Variants in IQSEC1 observed in about 807,000 individuals in gnomAD.
IQSEC1 encodes IQ motif and SEC7 domain-containing protein 1.
Under a neutral mutation model 91.0 loss-of-function variants are expected in IQSEC1, and 31 were observed. That is an observed-to-expected ratio of 0.34 (90% CI 0.26 to 0.46). The LOEUF (loss-of-function observed/expected upper bound fraction) is 0.46. IQSEC1 is among the 20% of genes least tolerant of loss of function. The probability of loss-of-function intolerance (pLI) is 1.00; values close to 1 mark genes in which losing one functional copy is unlikely to be tolerated. For missense variants in IQSEC1, 1,388 were observed against 1,575.6 expected, an observed-to-expected ratio of 0.88 and a Z score of 2.02; for synonymous variants, 699 against 662.6, an observed-to-expected ratio of 1.05 and a Z score of -0.84.
rs145769651 is a variant in IQSEC1, at chr3:12,908,471, C to T, written c.2633G>A (p.Ser878Asn). 1.2e-6 allele frequency: 2 copies of T among 1,613,478 alleles called. No homozygotes were observed. The highest frequency in any genetic ancestry group is 1.7e-6 in the Non-Finnish European group (2 of 1,180,034). ...VVRPSMSQCS[S>N]LKKESGNGTL... ...TCCGTTGCCCGACTCCTTTTTGAGG[C>T]TAGAGCACTGGGACATGCTGGGCCG... Residue 878 changes from serine to asparagine, a missense_variant, in exon 12 of 14, where the codon AGC (serine) becomes AAC (asparagine). By Grantham distance (46) the Ser-to-Asn change is conservative (BLOSUM62 1). This residue lies in a region of IQSEC1 where 1,059 missense variants were observed against 1,317.8 expected (regional missense o/e 0.80). Coordinates refer to ENST00000613206, the MANE Select transcript of IQSEC1 (RefSeq NM_001134382.3). The surrounding 1 kb of genome is among the most constrained non-coding windows in gnomAD (Gnocchi z 4.9).
At chr3:13,114,320 G>A (rs1056561992) in intron 2 of IQSEC1, among the ~76,000 whole-genome samples, 1 of 152,162 alleles carries the variant, frequency 6.6e-6, no homozygotes, top group Non-Finnish European at 1.5e-5. Context: ...TTACAGGTGG[G>A]GTGTCACGGC....
At chr3:12,960,014 C>T (rs1349753411) in intron 1 of IQSEC1, among the ~76,000 whole-genome samples, 2 of 152,172 alleles carry the variant, frequency 1.3e-5, no homozygotes, top group Non-Finnish European at 2.9e-5. Context: ...ACCGCACCTC[C>T]CCCTCCCCCA....
intron 1 of IQSEC1, among the ~76,000 whole-genome samples, chr3:13,064,024 A>C (rs1705157456): frequency 6.6e-6 from 1 of 151,996 alleles, no homozygotes; most frequent in African/African-American, 2.4e-5. Flanking sequence ...AACAAAAAAC[A>C]ATACAGAGAG....
chr3:13,169,921 C>T (rs1358023897), intron 1 of IQSEC1, among the ~76,000 whole-genome samples: 5 of 152,170 alleles, frequency 3.3e-5, no homozygotes, highest in Non-Finnish European at 7.3e-5. Context: ...AAAAGAAAAA[C>T]CCATTTTCTG....
chr3:12,915,329 G>A (rs914475531), intron 7 of IQSEC1, among the ~76,000 whole-genome samples, 196 bp from the exon 8 acceptor site: 10 of 152,180 alleles, frequency 6.6e-5, no homozygotes, highest in South Asian at 4.1e-4. Context: ...TGCCAGTGTC[G>A]GGTGCCCAGA....
rs999420296 is a variant in IQSEC1 at position 12,898,792 on chromosome 3, C to T, written c.*2191G>A. ...CAAACGCACAACACGCAGAGCGCAG[C>T]CTCACAGCTGACGCCAGATGACATG... is the stretch of plus-strand genomic sequence containing the variant. On this transcript the variant is annotated 3_prime_UTR_variant, in exon 14 of 14. Transcript: ENST00000613206. 6.5e-6 allele frequency: 1 copy of T among 153,558 alleles called. No individual in the cohort carries two copies. Among genetic ancestry groups the T allele is most frequent in the African/African-American group, 2.4e-5 (1 of 41,470 alleles). 9.5% of individuals were successfully genotyped at this position (153,558 alleles called of 1,614,324 possible).
rs565469057 is a variant in IQSEC1 at position 13,145,159 on chromosome 3, C to T, written c.302+18945G>A. Among the ~76,000 whole-genome samples the T allele has an allele frequency of 1.8e-3, 268 of 152,304 alleles. 2 individuals are homozygous for T. Among genetic ancestry groups the T allele is most frequent in the African/African-American group, 5.4e-3 (224 of 41,558 alleles). On this transcript the variant is annotated intron_variant, in intron 2 of 15. Coordinates refer to the IQSEC1 transcript ENST00000648114. The stretch of plus-strand genomic sequence containing the variant: ...GCAAAGATGAGTAACCACGCCTCAA[C>T]GGCTGTATCAGTTAGGAACAGGTTG...
At chr3:13,083,012 A>G (rs968792919) in intron 2 of IQSEC1, among the ~76,000 whole-genome samples, 5 of 152,116 alleles carry the variant, frequency 3.3e-5, no homozygotes, top group East Asian at 3.9e-4. Flanking sequence ...GCTCCCTCAC[A>G]GTCGTCGACC....
intron 2 of IQSEC1, among the ~76,000 whole-genome samples, chr3:13,144,411 G>A (rs571875347): frequency 5.3e-5 from 8 of 152,280 alleles, no homozygotes; most frequent in African/African-American, 1.7e-4. Context: ...GGGAGAGTGC[G>A]GCTTGAGTCT....
chr3:13,033,804 C>T (rs1703933303), intron 1 of IQSEC1, among the ~76,000 whole-genome samples: 1 of 152,230 alleles, frequency 6.6e-6, no homozygotes, highest in East Asian at 1.9e-4. Context: ...TGGAAGAGGA[C>T]CACCCAGCCT....
chr3:13,079,153 G>C (rs928499197), intron 2 of IQSEC1, among the ~76,000 whole-genome samples: 21 of 152,344 alleles, frequency 1.4e-4, no homozygotes, highest in African/African-American at 4.8e-4. Context: ...TGGAGGCTGA[G>C]TCAGCACAGA....
intron 3 of IQSEC1, among the ~76,000 whole-genome samples, chr3:12,931,146 C>T (rs1270698742): frequency 6.6e-6 from 1 of 152,148 alleles, no homozygotes; most frequent in Non-Finnish European, 1.5e-5. Context: ...TGCAGGGCTT[C>T]CCTTGGCACT....
At chr3:13,114,693 T>G (rs756578290) in intron 2 of IQSEC1, among the ~76,000 whole-genome samples, 1 of 148,954 alleles carries the variant, frequency 6.7e-6, no homozygotes, top group Non-Finnish European at 1.5e-5. Flanking sequence ...CTCAGGAGGC[T>G]GAGGCAGGAG....
chr3:12,910,600 G>A (rs918398371), intron 10 of IQSEC1, among the ~76,000 whole-genome samples: 1 of 152,242 alleles, frequency 6.6e-6, no homozygotes, highest in African/African-American at 2.4e-5. Flanking sequence ...GGCGGCCAGG[G>A]CAGGCATGCC....
At chr3:13,044,775 T>G (rs1478436228) in intron 1 of IQSEC1, among the ~76,000 whole-genome samples, 1 of 151,896 alleles carries the variant, frequency 6.6e-6, no homozygotes, top group African/African-American at 2.4e-5. Context: ...AAGGCAGCAA[T>G]TACTGGCTGG....
chr3:13,019,581 C>T (rs1245634623), intron 1 of IQSEC1, among the ~76,000 whole-genome samples: 4 of 152,220 alleles, frequency 2.6e-5, no homozygotes, highest in South Asian at 2.1e-4. Flanking sequence ...CTGGTTGGGG[C>T]GTGGCCTTAG....
chr3:13,122,735 CAG>C (rs1407487381), intron 2 of IQSEC1, among the ~76,000 whole-genome samples: 4 of 152,172 alleles, frequency 2.6e-5, no homozygotes, highest in African/African-American at 9.7e-5. Flanking sequence ...CCCTGAACCT[CAG>C]AGAGTGATGA....
chr3:13,005,576 G>A (rs1180268360), intron 1 of IQSEC1, among the ~76,000 whole-genome samples: 1 of 152,244 alleles, frequency 6.6e-6, no homozygotes, highest in Non-Finnish European at 1.5e-5. Context: ...GCTGGCTGAG[G>A]GCTTTGAGCC....
chr3:13,100,136 G>T (rs1706032738), intron 2 of IQSEC1, among the ~76,000 whole-genome samples: 1 of 148,106 alleles, frequency 6.8e-6, no homozygotes, highest in Admixed American at 6.7e-5. Flanking sequence ...AGAGCAGTGA[G>T]GAGGTGGGGC....
Sources: gnomAD v4.1 joint callset for allele counts (sites outside exome capture counted in the v4.1 genomes callset) on GRCh38, gnomAD v4.1.1 for gene constraint, gnomAD v4.1.1 regional missense constraint, Gnocchi (gnomAD v3.1) non-coding constraint, MANE v1.5 for transcripts, NCBI Gene and HGNC (gene_info 2026-07-23, HGNC 2026-07-21) for gene names.